Variants in SPAG16 observed in about 807,000 individuals in gnomAD.
SPAG16 encodes sperm-associated antigen 16 protein.
A neutral mutation model predicts 80.4 loss-of-function variants in SPAG16; 86 were observed. The ratio of observed to expected loss-of-function variants is 1.07; its 90% confidence interval spans 0.90 to 1.28. SPAG16 has a LOEUF of 1.28. Among genes scored for constraint, SPAG16 ranks in the 50% most tolerant of loss-of-function variants. The pLI, the probability that SPAG16 is intolerant of heterozygous loss-of-function variation, is 0.00. For synonymous variants in SPAG16, 294 were observed against 265.9 expected, an observed-to-expected ratio of 1.11 and a Z score of -1.03; for missense variants, 870 against 765.3, an observed-to-expected ratio of 1.14 and a Z score of -1.61.
At chr2:213,942,253 G>C (rs1480012297) in intron 12 of SPAG16, among the ~76,000 whole-genome samples, 7 of 152,264 alleles carry the variant, frequency 4.6e-5, no homozygotes, top group African/African-American at 1.4e-4. Context: ...GAATCAGGCT[G>C]ACCTGTTTCA....
chr2:213,330,631 T>A (rs1373152658), intron 5 of SPAG16, among the ~76,000 whole-genome samples: 1 of 152,230 alleles, frequency 6.6e-6, no homozygotes, highest in Admixed American at 6.5e-5. Flanking sequence ...GACTTTGGAC[T>A]GTGGACTTTT....
chr2:213,953,165 T>A (rs2043940962), intron 12 of SPAG16, among the ~76,000 whole-genome samples: 1 of 151,986 alleles, frequency 6.6e-6, no homozygotes, highest in Admixed American at 6.6e-5. Context: ...AACAAAGCAA[T>A]GTTTAAAACT....
chr2:214,110,489 G>A (rs1430173595), intron 14 of SPAG16, among the ~76,000 whole-genome samples: 1 of 152,154 alleles, frequency 6.6e-6, no homozygotes, highest in Non-Finnish European at 1.5e-5. Flanking sequence ...TGGCTGCATA[G>A]TATTCCATGT....
chr2:213,614,072 TG>T (rs1359504150), intron 10 of SPAG16, among the ~76,000 whole-genome samples: 8 of 152,214 alleles, frequency 5.3e-5, no homozygotes, highest in Non-Finnish European at 1.0e-4. Flanking sequence ...CATTTTGAAT[TG>T]AGGGTATGGT....
chr2:213,365,397 G>A (rs776971561), intron 8 of SPAG16: 1 of 151,976 alleles, frequency 6.6e-6, no homozygotes, highest in Non-Finnish European at 1.5e-5. Flanking sequence ...AAAGAAATGA[G>A]AACAAGCATA....
chr2:214,020,507 A>C (rs145268027), intron 13 of SPAG16, among the ~76,000 whole-genome samples: 2 of 152,278 alleles, frequency 1.3e-5, no homozygotes, highest in African/African-American at 4.8e-5. Context: ...AGATGACTCA[A>C]TATGCTTATA....
At chr2:213,341,298 A>C (rs1169603331) in intron 6 of SPAG16, among the ~76,000 whole-genome samples, 1 of 152,190 alleles carries the variant, frequency 6.6e-6, no homozygotes, top group African/African-American at 2.4e-5. Context: ...TCAGTCAAAC[A>C]CAGTGAATAC....
At chr2:214,081,667 T>C (rs990176722) in intron 13 of SPAG16, among the ~76,000 whole-genome samples, 9 of 152,178 alleles carry the variant, frequency 5.9e-5, no homozygotes, top group Non-Finnish European at 8.8e-5. Context: ...TCTCCACTAC[T>C]GGGAGAAAAT....
intron 9 of SPAG16, among the ~76,000 whole-genome samples, chr2:213,405,593 T>C (rs1049272219): frequency 6.6e-6 from 1 of 152,224 alleles, no homozygotes; most frequent in Non-Finnish European, 1.5e-5. Flanking sequence ...ATAACTGTAT[T>C]TTTGTACACA....
At chr2:213,465,857 G>T (rs1367217499) in intron 9 of SPAG16, among the ~76,000 whole-genome samples, 5 of 152,132 alleles carry the variant, frequency 3.3e-5, no homozygotes, top group Admixed American at 3.3e-4. Context: ...TTAATATTGA[G>T]TGTCAACTTG....
intron 15 of SPAG16, among the ~76,000 whole-genome samples, chr2:214,195,183 G>A (rs1309062363): frequency 6.6e-6 from 1 of 151,940 alleles, no homozygotes; most frequent in East Asian, 1.9e-4. Context: ...GGAATGATGT[G>A]TATAAAAGCC....
chr2:214,152,581 A>G (rs2056025543), intron 15 of SPAG16, among the ~76,000 whole-genome samples: 1 of 152,166 alleles, frequency 6.6e-6, no homozygotes, highest in Non-Finnish European at 1.5e-5. Flanking sequence ...TGCGGCGACG[A>G]GAGAGTGTAG....
chr2:213,288,772 TTC>T (rs1312119501), intron 1 of SPAG16, among the ~76,000 whole-genome samples: 1 of 152,218 alleles, frequency 6.6e-6, no homozygotes, highest in Non-Finnish European at 1.5e-5. Context: ...CCACTTTTTC[TTC>T]TGTTATAAAA....
intron 10 of SPAG16, among the ~76,000 whole-genome samples, chr2:213,580,932 G>A (rs2124851823): frequency 6.6e-6 from 1 of 151,936 alleles, no homozygotes; most frequent in South Asian, 2.1e-4. Context: ...TTAGAAATTA[G>A]ACTTTTGTAA....
At chr2:214,175,717 C>T (rs1300508259) in intron 15 of SPAG16, among the ~76,000 whole-genome samples, 1 of 151,464 alleles carries the variant, frequency 6.6e-6, no homozygotes, top group Admixed American at 6.6e-5. Flanking sequence ...TAGTTTAATA[C>T]ATTAAAAAGC....
At chr2:213,778,905 T>G (rs1390450448) in intron 10 of SPAG16, among the ~76,000 whole-genome samples, 1 of 152,206 alleles carries the variant, frequency 6.6e-6, no homozygotes, top group East Asian at 1.9e-4. Context: ...TACGTTTTCT[T>G]CATACTAGCA....
chr2:214,338,772 A>T (rs1697470466), intron 15 of SPAG16, among the ~76,000 whole-genome samples: 1 of 152,184 alleles, frequency 6.6e-6, no homozygotes, highest in African/African-American at 2.4e-5. Flanking sequence ...GTCTATAATT[A>T]TCTGAAATCC....
chr2:214,317,378 A>T (rs2125988024), intron 15 of SPAG16, among the ~76,000 whole-genome samples: 1 of 152,338 alleles, frequency 6.6e-6, no homozygotes, highest in East Asian at 1.9e-4. Context: ...GACTACATTA[A>T]AATATCAAAG....
At chr2:213,518,162 A>C (rs578193298) in intron 10 of SPAG16, among the ~76,000 whole-genome samples, 1 of 152,336 alleles carries the variant, frequency 6.6e-6, no homozygotes, top group South Asian at 2.1e-4. Context: ...TTTTCAAAAC[A>C]ACACATACAA....
Sources: gnomAD v4.1 joint callset for allele counts (sites outside exome capture counted in the v4.1 genomes callset) on GRCh38, gnomAD v4.1.1 for gene constraint, MANE v1.5 for transcripts, NCBI Gene and HGNC (gene_info 2026-07-23, HGNC 2026-07-21) for gene names.